POU2F3: variants seen among roughly 807,000 people sequenced by gnomAD.
The protein encoded by POU2F3 is POU class 2 homeobox 3, also known as POU domain, class 2, transcription factor 3.
In POU2F3, 23 loss-of-function variants were observed where a neutral mutation model predicts 59.2. The ratio of observed to expected loss-of-function variants is 0.39; its 90% CI spans 0.28 to 0.55. The LOEUF (loss-of-function observed/expected upper bound fraction) is 0.55. POU2F3 is among the 20% of genes least tolerant of loss of function. The pLI, the probability that POU2F3 is intolerant of heterozygous loss-of-function variation, is 0.66. For synonymous variants in POU2F3, 190 were observed against 214.6 expected (o/e 0.89, Z 1.00); for missense variants, 473 against 544.5 (o/e 0.87, Z 1.31).
At chr11:120,265,683 A>G (rs965186743) in intron 2 of POU2F3, among the ~76,000 whole-genome samples, 1 of 152,248 alleles carries the variant, frequency 6.6e-6, no homozygotes, top group African/African-American at 2.4e-5. Context: ...TAACAACATC[A>G]TAATGGCATT....
At chr11:120,269,158 G>A (rs1646061246) in intron 2 of POU2F3, 52 bp from the exon 3 acceptor site, 2 of 1,439,822 alleles carry the variant, frequency 1.4e-6, no homozygotes, top group Non-Finnish European at 1.9e-6. Context: ...CTAACCTTCA[G>A]CTCTTCCAAA....
At chr11:120,243,357 C>T (rs1015839574) in intron 1 of POU2F3, among the ~76,000 whole-genome samples, 1 of 152,106 alleles carries the variant, frequency 6.6e-6, no homozygotes, top group Non-Finnish European at 1.5e-5. Flanking sequence ...CCTCAGCCTG[C>T]AGCCTGTGGG....
intron 2 of POU2F3, among the ~76,000 whole-genome samples, chr11:120,260,533 A>G (rs1939549698): frequency 6.6e-6 from 1 of 152,200 alleles, no homozygotes; most frequent in African/African-American, 2.4e-5. Flanking sequence ...AGGAGATTGT[A>G]TTGGAATCCT....
At chr11:120,248,905 A>G (rs538954839) in intron 2 of POU2F3, among the ~76,000 whole-genome samples, 11 of 152,306 alleles carry the variant, frequency 7.2e-5, no homozygotes, top group African/African-American at 2.6e-4. Flanking sequence ...TCAGCAGTGC[A>G]TGAATTAAGG....
chr11:120,276,300 C>T (rs1940322065), intron 3 of POU2F3, among the ~76,000 whole-genome samples: 1 of 152,190 alleles, frequency 6.6e-6, no homozygotes, highest in Non-Finnish European at 1.5e-5. Context: ...TCCCTGCCCA[C>T]AGGAGCTCCC....
At chr11:120,280,615 A>G (rs771941701) in intron 3 of POU2F3, among the ~76,000 whole-genome samples, 12 of 138,470 alleles carry the variant, frequency 8.7e-5, no homozygotes, top group South Asian at 2.2e-4. Flanking sequence ...GAGGACAGAC[A>G]GAGAGAGAGA....
At chr11:120,301,117 A>C in intron 5 of POU2F3, 1 of 452,464 alleles carries the variant, frequency 2.2e-6, no homozygotes, top group Non-Finnish European at 4.4e-6. Context: ...TGGTGGAAAG[A>C]CACTTCCAAA....
intron 2 of POU2F3, among the ~76,000 whole-genome samples, chr11:120,267,501 C>T (rs191683879): frequency 5.8e-4 from 87 of 151,056 alleles, no homozygotes; most frequent in Middle Eastern, 3.4e-3. Flanking sequence ...CCCTCTTTCT[C>T]GGGACCCCAC....
intron 5 of POU2F3, chr11:120,301,509 A>T (rs1248891497): frequency 2.6e-5 from 4 of 155,094 alleles, no homozygotes; most frequent in African/African-American, 9.6e-5. Flanking sequence ...CCTAGGGAAA[A>T]CAGAGACCCC....
chr11:120,272,033 C>T (rs1264576723), intron 3 of POU2F3, among the ~76,000 whole-genome samples: 2 of 152,146 alleles, frequency 1.3e-5, no homozygotes, highest in Non-Finnish European at 2.9e-5. Flanking sequence ...ACTTCCCAGG[C>T]CCCTGCTTGA....
chr11:120,307,309 A>G (rs1941522395), intron 8 of POU2F3, among the ~76,000 whole-genome samples, 170 bp from the exon 9 acceptor site: 1 of 152,200 alleles, frequency 6.6e-6, no homozygotes, highest in South Asian at 2.1e-4. Flanking sequence ...TGAGCAATGA[A>G]AAGAAATAGG....
chr11:120,309,298 A>G, intron 9 of POU2F3, 127 bp from the exon 10 acceptor site: 1 of 971,532 alleles, frequency 1.0e-6, no homozygotes, highest in Non-Finnish European at 1.5e-6. Flanking sequence ...AAAAGCCAGT[A>G]TTTCATCCTA....
chr11:120,295,746 A>T (rs1227590068), intron 3 of POU2F3, among the ~76,000 whole-genome samples: 1 of 152,210 alleles, frequency 6.6e-6, no homozygotes, highest in African/African-American at 2.4e-5. Context: ...GGAGCAAAGA[A>T]GTGGGGCTCT....
chr11:120,264,449 T>A (rs1371065345), intron 2 of POU2F3, among the ~76,000 whole-genome samples: 2 of 152,212 alleles, frequency 1.3e-5, no homozygotes, highest in African/African-American at 4.8e-5. Flanking sequence ...ATAAGCTTCT[T>A]GGAGAATGAC....
At chr11:120,244,244 A>T (rs1018491911) in intron 1 of POU2F3, among the ~76,000 whole-genome samples, 5 of 152,242 alleles carry the variant, frequency 3.3e-5, no homozygotes, top group Non-Finnish European at 5.9e-5. Flanking sequence ...GTGCTGAGAC[A>T]GAAAACCAAA....
intron 1 of POU2F3, among the ~76,000 whole-genome samples, chr11:120,242,805 C>A (rs1938720970): frequency 6.6e-6 from 1 of 152,182 alleles, no homozygotes; most frequent in African/African-American, 2.4e-5. Context: ...GCACAAAGAC[C>A]TGAGCAGGCA....
upstream of POU2F3, chr11:120,236,804 C>T (rs554795822): frequency 2.8e-5 from 35 of 1,231,314 alleles, no homozygotes; most frequent in African/African-American, 2.7e-4. Context: ...TCACCATTCC[C>T]CCTCAACCCT....
At chr11:120,242,096 T>TGC (rs1938688972) in intron 1 of POU2F3, among the ~76,000 whole-genome samples, 1 of 152,076 alleles carries the variant, frequency 6.6e-6, no homozygotes, top group South Asian at 2.1e-4. Flanking sequence ...CCAATTCATC[T>TGC]CTCTCCATTT....
At chr11:120,318,306 C>T (rs780682248) in intron 12 of POU2F3, 47 bp from the exon 13 acceptor site, 54 of 1,542,556 alleles carry the variant, frequency 3.5e-5, no homozygotes, top group Middle Eastern at 3.4e-4. Context: ...TCCCATCTTA[C>T]GCCATCACAT....
Sources: gnomAD v4.1 joint callset for allele counts (sites outside exome capture counted in the v4.1 genomes callset) on GRCh38, gnomAD v4.1.1 for gene constraint, MANE v1.5 for transcripts, NCBI Gene and HGNC (gene_info 2026-07-23, HGNC 2026-07-21) for gene names.